The following DACH2 variants were observed in gnomAD, a reference collection of about 807,000 sequenced individuals.
DACH2 encodes dachshund family transcription factor 2, also known as dachshund homolog 2.
DACH2 carries 17 observed loss-of-function variants against 35.8 expected under a neutral mutation model. That is an observed-to-expected ratio of 0.48 (90% CI 0.33 to 0.71). The LOEUF (loss-of-function observed/expected upper bound fraction) is 0.71. Among genes scored for constraint, DACH2 ranks in the 30% least tolerant of loss-of-function variants. The pLI is 0.02. For synonymous variants in DACH2, 195 were observed against 177.3 expected (o/e 1.10, Z -0.79); for missense variants, 469 against 472.7 (o/e 0.99, Z 0.07).
At chrX:86,711,269 C>T (rs12844668) in intron 5 of DACH2, among the ~76,000 whole-genome samples, 29,659 of 109,913 alleles carry the variant, frequency 0.27, 3,361 homozygotes, top group Middle Eastern at 0.42. Flanking sequence ...GCCAGCTACT[C>T]GGGAGGGTGA....
intron 1 of DACH2, among the ~76,000 whole-genome samples, chrX:86,266,639 T>C (rs1219443054): frequency 1.8e-5 from 2 of 111,585 alleles, no homozygotes; most frequent in Non-Finnish European, 3.8e-5. Flanking sequence ...TGAACCAGAC[T>C]GCCCGGTTTT....
intron 1 of DACH2, among the ~76,000 whole-genome samples, chrX:86,349,535 A>G (rs1602430210): frequency 8.9e-6 from 1 of 112,506 alleles, no homozygotes; most frequent in Middle Eastern, 4.6e-3. Context: ...AGCCCTCGCC[A>G]GGGACCGTGC....
chrX:86,361,798 A>G (rs1216969996), intron 1 of DACH2, among the ~76,000 whole-genome samples: 3 of 111,567 alleles, frequency 2.7e-5, no homozygotes, highest in Non-Finnish European at 5.7e-5. Context: ...TCAGTTGAAC[A>G]GGAGGAAGTA....
intron 1 of DACH2, among the ~76,000 whole-genome samples, chrX:86,155,765 A>G (rs1210622054): frequency 9.0e-6 from 1 of 111,080 alleles, no homozygotes; most frequent in Non-Finnish European, 1.9e-5. Context: ...AAGCCTACAC[A>G]GTATTCCTTA....
intron 1 of DACH2, among the ~76,000 whole-genome samples, chrX:86,307,013 G>A (rs1391010135): frequency 2.7e-5 from 3 of 111,743 alleles, no homozygotes; most frequent in Admixed American, 9.6e-5. Flanking sequence ...TATTTAGATA[G>A]TTACGCAAAA....
chrX:86,762,256 C>T (rs369200070), intron 7 of DACH2, among the ~76,000 whole-genome samples: 21 of 111,234 alleles, frequency 1.9e-4, no homozygotes, highest in African/African-American at 6.9e-4. Context: ...TGCAACAGCT[C>T]TCTCAAGTTA....
intron 7 of DACH2, among the ~76,000 whole-genome samples, chrX:86,783,808 C>T (rs770225148): frequency 3.6e-5 from 4 of 110,959 alleles, no homozygotes; most frequent in African/African-American, 1.3e-4. Context: ...CATAGACATA[C>T]AGAATAGAAA....
intron 1 of DACH2, among the ~76,000 whole-genome samples, chrX:86,179,417 C>A (rs1235981209): frequency 3.6e-5 from 4 of 111,545 alleles, no homozygotes; most frequent in Non-Finnish European, 3.8e-5. Flanking sequence ...TGTGTTAAAG[C>A]AATGGTTTTG....
chrX:86,832,198 C>G lies in DACH2; in HGVS notation c.*43C>G. 1 of 1,019,726 alleles carries G rather than the reference C, an allele frequency of 9.8e-7. No homozygotes were observed. The highest frequency in any genetic ancestry group is 2.0e-5 in the South Asian group (1 of 49,867). 84.0% of individuals were successfully genotyped at this position (1,019,726 alleles called of 1,213,427 possible). A position where few individuals can be genotyped will look rare whatever the true frequency, so the allele number is the denominator to read the frequency against. ...TACATAAATGAAGATGCTTGTGATTCCAGTTTATCTCTGAAACTATTCAAC... is the reference window on the plus strand; with the variant it reads ...TACATAAATGAAGATGCTTGTGATTGCAGTTTATCTCTGAAACTATTCAAC... On this transcript the variant is annotated 3_prime_UTR_variant, in exon 12 of 12. Coordinates refer to ENST00000373125, the MANE Select transcript of DACH2 (RefSeq NM_053281.3).
At chrX:86,505,318 C>G (rs1278660854) in intron 2 of DACH2, among the ~76,000 whole-genome samples, 1 of 111,863 alleles carries the variant, frequency 8.9e-6, no homozygotes, top group African/African-American at 3.2e-5. Context: ...ATCTTCTTAG[C>G]TATTTTTAAT....
intron 2 of DACH2, among the ~76,000 whole-genome samples, chrX:86,395,285 T>C (rs2036266765): frequency 8.9e-6 from 1 of 111,923 alleles, no homozygotes; most frequent in Non-Finnish European, 1.9e-5. Context: ...TCAGTAGCTT[T>C]AGTAAAATTG....
At position 86,713,045 on chromosome X, in the gene DACH2, T is replaced by C. The variant is rs905059071; in HGVS notation, c.932-1503T>C. On this transcript the variant is annotated intron_variant, in intron 5 of 11. Coordinates refer to ENST00000373125, the MANE Select transcript of DACH2 (RefSeq NM_053281.3). Reference sequence around the variant, plus strand: ...CCTTTCATTGTGATAATCACTTGAGTGTTGTATGAGACCTTACCTACCTGG... The same window carrying C: ...CCTTTCATTGTGATAATCACTTGAGCGTTGTATGAGACCTTACCTACCTGG... 2.7e-5 allele frequency among the ~76,000 whole-genome samples: 3 copies of C among 111,489 alleles called. No individual in the cohort carries two copies. In the Admixed American group the frequency reaches 2.9e-4, roughly 11 times the overall value.
chrX:86,332,694 C>G (rs756704572), intron 1 of DACH2, among the ~76,000 whole-genome samples: 1 of 111,389 alleles, frequency 9.0e-6, no homozygotes, highest in East Asian at 2.8e-4. Flanking sequence ...AAAAATTATA[C>G]CAAATTGAAT....
chrX:86,470,309 C>G (rs1230233863), intron 2 of DACH2, among the ~76,000 whole-genome samples: 2 of 111,629 alleles, frequency 1.8e-5, no homozygotes, highest in Non-Finnish European at 3.8e-5. Flanking sequence ...TTGTCATTTT[C>G]AATGATTTTC....
intron 1 of DACH2, among the ~76,000 whole-genome samples, chrX:86,373,049 C>T (rs1485580756): frequency 9.0e-6 from 1 of 111,162 alleles, no homozygotes; most frequent in Non-Finnish European, 1.9e-5. Flanking sequence ...TATACATATA[C>T]CACATTTTCT....
intron 3 of DACH2, among the ~76,000 whole-genome samples, chrX:86,531,056 C>A (rs752033877): frequency 6.3e-5 from 7 of 111,787 alleles, no homozygotes; most frequent in Admixed American, 2.8e-4. Flanking sequence ...TAAGAAATTT[C>A]TAAGCAGCAA....
intron 6 of DACH2, among the ~76,000 whole-genome samples, chrX:86,727,111 A>C (rs1323046660): frequency 3.6e-5 from 4 of 112,133 alleles, no homozygotes; most frequent in Non-Finnish European, 7.5e-5. Flanking sequence ...ATTTAGGTAA[A>C]CTGTGTTTCC....
rs773186808 is a variant in DACH2 at position 86,794,796 on chromosome X, A to G, written c.1241-18060A>G. On this transcript the variant is annotated intron_variant, in intron 7 of 11. Transcript: ENST00000373125. Reference sequence around the variant, plus strand: ...CATCAGTGTTCAAACTTGAATACATATTGTATTGCTTTTCACCCTCATAAT... The same window carrying G: ...CATCAGTGTTCAAACTTGAATACATGTTGTATTGCTTTTCACCCTCATAAT... 9.3e-4 allele frequency among the ~76,000 whole-genome samples: 104 copies of G among 111,676 alleles called. 2 individuals are homozygous for G. The highest frequency in any genetic ancestry group is 2.6e-3 in the South Asian group (7 of 2,665).
At chrX:86,496,819 G>A (rs974179260) in intron 2 of DACH2, among the ~76,000 whole-genome samples, 25 of 111,060 alleles carry the variant, frequency 2.3e-4, no homozygotes, top group African/African-American at 7.2e-4. Context: ...TGTTTATTGC[G>A]GTTAGGTGAT....
Sources: gnomAD v4.1 joint callset for allele counts (sites outside exome capture counted in the v4.1 genomes callset) on GRCh38, gnomAD v4.1.1 for gene constraint, MANE v1.5 for transcripts, NCBI Gene and HGNC (gene_info 2026-07-23, HGNC 2026-07-21) for gene names.